CRADD: variants seen among roughly 807,000 people sequenced by gnomAD.
CRADD encodes CARD and death domain containing adaptor protein, also known as death domain-containing protein CRADD.
Under a neutral mutation model 15.5 loss-of-function variants are expected in CRADD, and 9 were observed. The observed-to-expected ratio is 0.58, with a 90% CI of 0.35 to 1.01. The LOEUF is 1.01. Among genes scored for constraint, CRADD ranks in the 50% least tolerant of loss-of-function variants. The pLI is 0.02. For missense variants in CRADD, 227 were observed against 250.3 expected (o/e 0.91, Z 0.63); for synonymous variants, 118 against 107.6 (o/e 1.10, Z -0.60).
At chr12:93,711,238 G>C (rs368078861) in intron 2 of CRADD, among the ~76,000 whole-genome samples, 7 of 151,914 alleles carry the variant, frequency 4.6e-5, no homozygotes, top group African/African-American at 1.7e-4. Flanking sequence ...CTCAGGAAAA[G>C]AAGCAAAAAG....
At chr12:93,686,202 G>A (rs1955431850) in intron 2 of CRADD, among the ~76,000 whole-genome samples, 1 of 149,656 alleles carries the variant, frequency 6.7e-6, no homozygotes, top group Non-Finnish European at 1.5e-5. Context: ...TCAGGAGGCT[G>A]AGGCAGGAGA....
At chr12:93,738,446 T>C (rs1956618168) in intron 2 of CRADD, 2 of 702,354 alleles carry the variant, frequency 2.8e-6, no homozygotes, top group Non-Finnish European at 5.2e-6. Flanking sequence ...CTGCCCACTC[T>C]GTTATGAAGT....
chr12:93,695,744 A>T (rs1592893706), intron 2 of CRADD, among the ~76,000 whole-genome samples: 1 of 152,146 alleles, frequency 6.6e-6, no homozygotes, highest in Non-Finnish European at 1.5e-5. Flanking sequence ...CTCTACTAAT[A>T]ATACAAAAAT....
Position 93,773,813 on chromosome 12 carries a change from G to GTTTTTTT in CRADD, c.299-76141_299-76135dup, listed in dbSNP as rs3030268. Among the ~76,000 whole-genome samples, 83 of 87,548 alleles carry GTTTTTTT rather than the reference G, an allele frequency of 9.5e-4. 4 individuals carry two copies. Among genetic ancestry groups the GTTTTTTT allele is most frequent in the East Asian group, 1.3e-3 (3 of 2,226 alleles). The allele number at this position is 87,548 out of a possible 152,430, so 57.4% of individuals were successfully genotyped here. ...ACTCATAGCCATACCTACTTTGTGA[G>GTTTTTTT]TTTTTTTTTTTTTTTTTTTTTTGAG... On this transcript the variant is annotated intron_variant, in intron 2 of 2. Transcript: ENST00000332896.
At chr12:93,686,304 C>CAAAAAAAAAAAAAAAAA (rs59096792) in intron 2 of CRADD, among the ~76,000 whole-genome samples, 13 of 65,976 alleles carry the variant, frequency 2.0e-4, no homozygotes, top group African/African-American at 3.9e-4. Context: ...CCATCCCCCC[C>CAAAAAAAAAAAAAAAAA]AAAAAAAAAA....
In CRADD at chr12:93,871,680, G is replaced by A. The variant is rs867917794; in HGVS notation, c.299-22370G>A. Among the ~76,000 whole-genome samples the A allele has an allele frequency of 3.3e-5, 5 of 152,214 alleles. No homozygotes were observed. In the South Asian group the frequency reaches 1.0e-3, roughly 32 times the overall value. ...GAACATGCAATGTTTGTCTTCCTGT[G>A]TCTGGCTTATTTCACTTCATAATGA... On this transcript the variant is annotated intron_variant, in intron 2 of 2. Transcript: ENST00000548483.
At chr12:93,785,815 G>A (rs761263715) in intron 2 of CRADD, among the ~76,000 whole-genome samples, 1 of 152,182 alleles carries the variant, frequency 6.6e-6, no homozygotes, top group Admixed American at 6.5e-5. Flanking sequence ...GTATGGGATC[G>A]AGGCCTGTAG....
At chr12:93,894,272 G>T in exon 3 of CRADD, 1 of 543,238 alleles carries the variant, frequency 1.8e-6, no homozygotes. Flanking sequence ...GTGTGTGGGT[G>T]GGCGGGGGGC....
chr12:93,693,876 T>G (rs1325079009), intron 2 of CRADD, among the ~76,000 whole-genome samples: 1 of 152,120 alleles, frequency 6.6e-6, no homozygotes, highest in Non-Finnish European at 1.5e-5. Context: ...CAGAACCTGA[T>G]GGCTTCATTG....
At chr12:93,705,276 A>G (rs181758851) in intron 2 of CRADD, among the ~76,000 whole-genome samples, 1 of 152,360 alleles carries the variant, frequency 6.6e-6, no homozygotes, top group East Asian at 1.9e-4. Flanking sequence ...ACTTAATTAA[A>G]TGAAATGTTT....
chr12:93,860,988 C>T (rs9651946), intron 2 of CRADD, among the ~76,000 whole-genome samples: 33,421 of 152,058 alleles, frequency 0.22, 3,949 homozygotes, highest in East Asian at 0.44. Flanking sequence ...TGGTGCTGCC[C>T]GATTCCTGAA....
chr12:93,709,094 G>A (rs1159416480), intron 2 of CRADD: 1 of 152,256 alleles, frequency 6.6e-6, no homozygotes, highest in African/African-American at 2.4e-5. Context: ...CTGCAAGGCA[G>A]AGTGAAAGAG....
intron 2 of CRADD, among the ~76,000 whole-genome samples, chr12:93,774,428 T>G (rs1184159680): frequency 6.6e-6 from 1 of 152,212 alleles, no homozygotes. Flanking sequence ...TCCAGCTGTT[T>G]AGTGGCAGGA....
chr12:93,853,221 T>A (rs1461429483), downstream of CRADD, among the ~76,000 whole-genome samples: 1 of 152,234 alleles, frequency 6.6e-6, no homozygotes, highest in Non-Finnish European at 1.5e-5. Flanking sequence ...CTTTTTAATA[T>A]TCCTCAATGG....
At chr12:93,703,947 C>G (rs529522265) in intron 2 of CRADD, among the ~76,000 whole-genome samples, 28 of 147,450 alleles carry the variant, frequency 1.9e-4, no homozygotes, top group South Asian at 1.3e-3. Flanking sequence ...ATTTTTAATG[C>G]TCACTTACCG....
intron 2 of CRADD, among the ~76,000 whole-genome samples, chr12:93,690,932 CTT>C (rs1451246914): frequency 2.6e-5 from 4 of 152,108 alleles, no homozygotes; most frequent in Admixed American, 2.6e-4. Flanking sequence ...ATGTCAGTCT[CTT>C]TTTTAACAGT....
intron 2 of CRADD, chr12:93,859,305 G>A (rs1051441212): frequency 3.3e-5 from 15 of 455,206 alleles, no homozygotes; most frequent in Non-Finnish European, 1.8e-5. Context: ...TGGTTAACTT[G>A]TCTTTTGTTA....
At chr12:93,815,027 A>G (rs1387919874) in intron 2 of CRADD, 1 of 152,152 alleles carries the variant, frequency 6.6e-6, no homozygotes, top group Admixed American at 6.5e-5. Context: ...AGATGTCACA[A>G]TGATTGGGGG....
rs567050156 is a variant in CRADD at position 93,751,901 on chromosome 12, C to T, written c.298+72829C>T. On this transcript the variant is annotated intron_variant, in intron 2 of 2. Coordinates refer to ENST00000332896, the MANE Select transcript of CRADD (RefSeq NM_003805.5). ...AAAAATCCTTTATCTTTACTTTGCT[C>T]CTTTCAGGATAGCTCTGGAATTTGA... is the stretch of plus-strand genomic sequence containing the variant. Among the ~76,000 whole-genome samples the T allele has an allele frequency of 3.9e-4, 59 of 152,284 alleles. 1 individual carries two copies. The South Asian group carries it at 0.012, about 31-fold the overall frequency.
Sources: allele counts gnomAD v4.1 joint callset (sites outside exome capture counted in the v4.1 genomes callset), GRCh38; gene constraint gnomAD v4.1.1; transcripts MANE v1.5; gene names NCBI Gene and HGNC (gene_info 2026-07-23, HGNC 2026-07-21).